MBD5: variants seen among roughly 807,000 people sequenced by gnomAD.
MBD5 encodes the protein methyl-CpG binding domain protein 5, also known as methyl-CpG-binding domain protein 5.
In MBD5, 13 loss-of-function variants were observed where a neutral mutation model predicts 117.3. That is an observed-to-expected ratio of 0.11 (90% CI 0.07 to 0.18). MBD5 has a LOEUF of 0.18. Ranked by LOEUF, MBD5 falls within the 10% of genes least tolerant of loss-of-function variation. The pLI is 1.00. For synonymous variants in MBD5, 727 were observed against 766.4 expected (o/e 0.95, Z 0.85); for missense variants, 1,879 against 2,093.8 (o/e 0.90, Z 2.00).
At chr2:148,240,717 T>C (rs1294436437) in intron 3 of MBD5, among the ~76,000 whole-genome samples, 2 of 152,208 alleles carry the variant, frequency 1.3e-5, no homozygotes, top group East Asian at 1.9e-4. Context: ...AAAACTTACA[T>C]AGAACTAACT....
intron 4 of MBD5, among the ~76,000 whole-genome samples, chr2:148,344,187 A>G (rs1034703206): frequency 3.3e-5 from 5 of 151,962 alleles, no homozygotes; most frequent in Non-Finnish European, 5.9e-5. Flanking sequence ...CTGTTTTTAT[A>G]CCAGTACCAT....
At chr2:148,355,238 A>T (rs1703351254) in intron 4 of MBD5, among the ~76,000 whole-genome samples, 1 of 149,920 alleles carries the variant, frequency 6.7e-6, no homozygotes, top group South Asian at 2.1e-4. Context: ...GTTCATTCTG[A>T]TGATAGTTTC....
At chr2:148,138,855 A>G (rs1452836459) in intron 1 of MBD5, among the ~76,000 whole-genome samples, 2 of 152,078 alleles carry the variant, frequency 1.3e-5, no homozygotes, top group African/African-American at 4.8e-5. Context: ...TTGAATTTTA[A>G]AAAGTGTTTA....
At chr2:148,072,868 A>C (rs897733084) in intron 1 of MBD5, among the ~76,000 whole-genome samples, 1 of 152,186 alleles carries the variant, frequency 6.6e-6, no homozygotes, top group African/African-American at 2.4e-5. Flanking sequence ...AAGCTTTCTA[A>C]ACCACAGTGA....
chr2:148,513,128 G>C lies in MBD5; in HGVS notation c.*187G>C, dbSNP rs539054905. The stretch of plus-strand genomic sequence containing the variant: ...TGATCAGGAAGGATAATGAATGCTG[G>C]AAAAGCCAATCAAAGTCTCTGTGTG... On this transcript the variant is annotated 3_prime_UTR_variant, in exon 14 of 14. Coordinates refer to ENST00000642680, the MANE Select transcript of MBD5 (RefSeq NM_001378120.1). The C allele has an allele frequency of 3.3e-6, 2 of 610,094 alleles. No individual in the cohort carries two copies. The highest frequency in any genetic ancestry group is 2.8e-5 in the East Asian group (1 of 35,420). 37.8% of individuals were successfully genotyped at this position (610,094 alleles called of 1,614,324 possible). A position where few individuals can be genotyped will look rare whatever the true frequency, so the allele number is the denominator to read the frequency against.
At chr2:148,203,013 G>T (rs1699180667) in intron 2 of MBD5, among the ~76,000 whole-genome samples, 1 of 151,462 alleles carries the variant, frequency 6.6e-6, no homozygotes, top group African/African-American at 2.4e-5. Context: ...GCTGAAGCAG[G>T]AGAATCGCTT....
chr2:148,128,266 A>G (rs1352422853), intron 1 of MBD5, among the ~76,000 whole-genome samples: 1 of 152,160 alleles, frequency 6.6e-6, no homozygotes, highest in Non-Finnish European at 1.5e-5. Context: ...TGCTTAACAC[A>G]GTGCTGTTAA....
intron 4 of MBD5, among the ~76,000 whole-genome samples, chr2:148,417,983 G>T (rs1419238119): frequency 6.6e-6 from 1 of 151,914 alleles, no homozygotes; most frequent in Non-Finnish European, 1.5e-5. Context: ...GAGACTACAG[G>T]CACCCACCAC....
intron 3 of MBD5, among the ~76,000 whole-genome samples, chr2:148,281,713 C>A (rs1487839848): frequency 6.6e-6 from 1 of 152,004 alleles, no homozygotes; most frequent in Non-Finnish European, 1.5e-5. Context: ...TTTTGTTTAT[C>A]CCAATCATTG....
intron 1 of MBD5, among the ~76,000 whole-genome samples, chr2:148,041,814 T>C (rs1466048520): frequency 1.3e-5 from 2 of 152,186 alleles, no homozygotes; most frequent in Admixed American, 6.5e-5. Flanking sequence ...AAAAATCCTT[T>C]AATACCTACT....
intron 3 of MBD5, among the ~76,000 whole-genome samples, chr2:148,302,819 A>G (rs1255293202): frequency 6.6e-6 from 1 of 151,248 alleles, no homozygotes; most frequent in Admixed American, 6.6e-5. Context: ...TTTTTTAGAG[A>G]TGAGGTGTCA....
intron 1 of MBD5, among the ~76,000 whole-genome samples, chr2:148,145,105 G>A (rs1173340644): frequency 6.6e-6 from 1 of 151,652 alleles, no homozygotes. Flanking sequence ...CCATTTGTTT[G>A]TGTCCTCTTT....
rs541102660 is a variant in MBD5, at chr2:148,270,581, G to A, written c.-680+37186G>A. ...TTTTTGTATTTTTAGTAGAGATGGGGTTTCACCATGTTGGCCAGGCTGGTC... is the reference window on the plus strand; with the variant it reads ...TTTTTGTATTTTTAGTAGAGATGGGATTTCACCATGTTGGCCAGGCTGGTC... On this transcript the variant is annotated intron_variant, in intron 3 of 13. Coordinates refer to ENST00000642680, the MANE Select transcript of MBD5 (RefSeq NM_001378120.1). Among the ~76,000 whole-genome samples, 11 of 152,036 alleles carry A rather than the reference G, an allele frequency of 7.2e-5. No homozygotes were observed. The East Asian group carries it at 1.6e-3, about 21-fold the overall frequency.
chr2:148,512,047 C>T (rs1470601905), intron 13 of MBD5, among the ~76,000 whole-genome samples: 3 of 152,180 alleles, frequency 2.0e-5, no homozygotes, highest in Non-Finnish European at 4.4e-5. Flanking sequence ...GGACTTGTGT[C>T]GAAATGCTGA....
intron 6 of MBD5, among the ~76,000 whole-genome samples, chr2:148,463,198 T>C (rs552688854): frequency 6.6e-6 from 1 of 152,318 alleles, no homozygotes; most frequent in South Asian, 2.1e-4. Context: ...TGAATGTCTA[T>C]TATAATGCCA....
At chr2:148,065,902 C>A (rs892663881) in intron 1 of MBD5, among the ~76,000 whole-genome samples, 1 of 152,174 alleles carries the variant, frequency 6.6e-6, no homozygotes, top group Admixed American at 6.5e-5. Flanking sequence ...TAAGACATAT[C>A]TGTAATTTGT....
chr2:148,078,015 C>T (rs1223137005), intron 1 of MBD5, among the ~76,000 whole-genome samples: 1 of 152,062 alleles, frequency 6.6e-6, no homozygotes, highest in Non-Finnish European at 1.5e-5. Flanking sequence ...GCCAAAAACA[C>T]CTGTTCAGCA....
chr2:148,433,710 G>A (rs188350848), intron 4 of MBD5, among the ~76,000 whole-genome samples: 22 of 152,210 alleles, frequency 1.4e-4, no homozygotes, highest in East Asian at 5.8e-4. Flanking sequence ...TTTCTTGATC[G>A]TGGTGGATTA....
At chr2:148,318,257 T>G (rs74719551) in intron 3 of MBD5, among the ~76,000 whole-genome samples, 3,057 of 152,278 alleles carry the variant, frequency 0.02, 114 homozygotes, top group African/African-American at 0.07. Context: ...ATATCTGCTT[T>G]TGAATAATGT....
Sources: gnomAD v4.1 joint callset for allele counts (sites outside exome capture counted in the v4.1 genomes callset) on GRCh38, gnomAD v4.1.1 for gene constraint, MANE v1.5 for transcripts, NCBI Gene and HGNC (gene_info 2026-07-23, HGNC 2026-07-21) for gene names.